The following PTPRC variants were observed in gnomAD, a reference collection of about 807,000 sequenced individuals.
The protein encoded by PTPRC is receptor-type tyrosine-protein phosphatase C.
Under a neutral mutation model 155.9 loss-of-function variants are expected in PTPRC, and 44 were observed. That is an observed-to-expected ratio of 0.28 (90% confidence interval 0.22 to 0.36). The LOEUF (loss-of-function observed/expected upper bound fraction) is 0.36, where lower values mean the gene tolerates loss of function less well. Ranked by LOEUF, PTPRC falls within the 10% of genes least tolerant of loss-of-function variation. The probability of loss-of-function intolerance (pLI) is 1.00; values close to 1 mark genes in which losing one functional copy is unlikely to be tolerated. For synonymous variants in PTPRC, 525 were observed against 533.1 expected (o/e 0.98, Z 0.21); for missense variants, 1,401 against 1,564.6 (o/e 0.90, Z 1.76).
rs759300201 is a variant in PTPRC at position 198,718,190 on chromosome 1, A to G, written c.1547A>G (p.Glu516Gly). The change falls in exon 14 of 33, where the codon GAA becomes GGA. Residue 516 changes from glutamate (E) to glycine (G), a missense_variant. Physicochemically the swap from Glu to Gly is moderately conservative, Grantham distance 98. Transcript: ENST00000442510. ...RPPRDRNGPH[E>G]RYHLEVEAGN... ...CCCAGGGACCGTAATGGCCCCCATG[A>G]ACGTTACCATTTGGAAGTTGAAGCT... 1.9e-6 allele frequency: 3 copies of G among 1,613,920 alleles called. No homozygotes were observed. In the African/African-American group the frequency reaches 4.0e-5, roughly 22 times the overall value.
intron 19 of PTPRC, 40 bp from the exon 20 acceptor site, chr1:198,732,439 AT>A (rs753496863): frequency 6.3e-7 from 1 of 1,599,618 alleles, no homozygotes; most frequent in Admixed American, 1.7e-5. Context: ...CTACTTGATT[AT>A]TCACTATTTC....
intron 31 of PTPRC, 39 bp downstream of exon 31, chr1:198,752,811 A>G (rs1297663433): frequency 1.9e-6 from 3 of 1,591,204 alleles, no homozygotes; most frequent in Non-Finnish European, 2.6e-6. Flanking sequence ...CAAAATCATA[A>G]TGCTTGACTT....
At chr1:198,677,420 A>T (rs183882788) in intron 2 of PTPRC, among the ~76,000 whole-genome samples, 7 of 151,188 alleles carry the variant, frequency 4.6e-5, no homozygotes, top group African/African-American at 9.7e-5. Context: ...AACAACTTTT[A>T]CTTTCTGAAA....
intron 2 of PTPRC, chr1:198,680,015 T>TG (rs1665216387): frequency 1.8e-6 from 1 of 560,370 alleles, no homozygotes; most frequent in South Asian, 2.1e-5. Context: ...CTCAAGGGCC[T>TG]GGACCGCTTG....
At chr1:198,703,560 G>T (rs1487224924) in intron 7 of PTPRC, 188 bp downstream of exon 7, 4 of 818,486 alleles carry the variant, frequency 4.9e-6, no homozygotes, top group Non-Finnish European at 7.7e-6. Context: ...GATGAGATCA[G>T]GATGTAATTG....
intron 29 of PTPRC, among the ~76,000 whole-genome samples, chr1:198,751,533 G>GT (rs1372678163): frequency 2.0e-5 from 3 of 151,824 alleles, no homozygotes; most frequent in African/African-American, 4.8e-5. Flanking sequence ...TGCTTTTTAT[G>GT]TTTTTTGTTT....
intron 2 of PTPRC, among the ~76,000 whole-genome samples, chr1:198,665,874 C>G (rs973539301): frequency 6.6e-6 from 1 of 151,970 alleles, no homozygotes; most frequent in African/African-American, 2.4e-5. Context: ...TCTTTCCAGC[C>G]CTGGAAAGAC....
intron 15 of PTPRC, among the ~76,000 whole-genome samples, chr1:198,725,650 T>C (rs912340406): frequency 2.0e-5 from 3 of 152,200 alleles, no homozygotes; most frequent in Non-Finnish European, 4.4e-5. Flanking sequence ...CTCTCACTGC[T>C]TTCATTTAAT....
chr1:198,752,414 A>G (rs1655426424), intron 30 of PTPRC, 43 bp downstream of exon 30: 1 of 1,604,784 alleles, frequency 6.2e-7, no homozygotes, highest in Non-Finnish European at 8.5e-7. Context: ...GATATAATGG[A>G]TCTGGTAGCA....
chr1:198,723,729 G>T (rs770464025), intron 15 of PTPRC, among the ~76,000 whole-genome samples: 4 of 152,204 alleles, frequency 2.6e-5, no homozygotes, highest in Admixed American at 6.5e-5. Context: ...TGCTAGCAAG[G>T]GAGCCTGGCA....
Position 198,754,255 on chromosome 1 carries a change from T to C in PTPRC, c.3510-14T>C. The C allele has an allele frequency of 6.2e-7, 1 of 1,602,142 alleles. No homozygotes were observed. The highest frequency in any genetic ancestry group is 8.5e-7 in the Non-Finnish European group (1 of 1,170,022). ...AGAAGTAGGATTATTTTCTATCTTT[T>C]CTTTCTTTTATAGGGATGGATCTCA... On this transcript the variant is annotated splice_polypyrimidine_tract_variant and intron_variant, in intron 31 of 32. Coordinates refer to ENST00000442510, the MANE Select transcript of PTPRC (RefSeq NM_002838.5).
In PTPRC at chr1:198,694,145, G is replaced by GTCATAT. The variant is rs1212038956; in HGVS notation, c.100+1774_100+1775insATATTC. ...AGCCCCTCACAAACCACTGGAGTAA[G>GTCATAT]TCCAAGAGTCCAAAAGCTGAGGAAC... On this transcript the variant is annotated intron_variant, in intron 3 of 32. Transcript: ENST00000442510. 2.6e-6 allele frequency: 4 copies of GTCATAT among 1,523,400 alleles called. No individual in the cohort carries two copies. The African/African-American group carries it at 5.6e-5, about 21-fold the overall frequency. 94.4% of individuals were successfully genotyped at this position (1,523,400 alleles called of 1,614,324 possible).
At chr1:198,727,707 A>T (rs1267366689) in intron 15 of PTPRC, among the ~76,000 whole-genome samples, 1 of 152,156 alleles carries the variant, frequency 6.6e-6, no homozygotes, top group Non-Finnish European at 1.5e-5. Context: ...ACATAAGAAA[A>T]GGTGAATATA....
chr1:198,688,066 A>C (rs899149673), intron 2 of PTPRC, among the ~76,000 whole-genome samples: 1 of 151,710 alleles, frequency 6.6e-6, no homozygotes, highest in African/African-American at 2.4e-5. Context: ...AAAAAGATAA[A>C]ATGGTGTGTG....
At chr1:198,643,001 A>C (rs895765140) in intron 2 of PTPRC, among the ~76,000 whole-genome samples, 1 of 145,980 alleles carries the variant, frequency 6.9e-6, no homozygotes, top group Non-Finnish European at 1.5e-5. Context: ...TGATTGATTA[A>C]AAGAAAACAA....
intron 2 of PTPRC, among the ~76,000 whole-genome samples, chr1:198,662,014 C>T (rs1663995989): frequency 6.6e-6 from 1 of 152,130 alleles, no homozygotes; most frequent in Non-Finnish European, 1.5e-5. Flanking sequence ...TCAACAAAGA[C>T]TTGTCTTCCA....
In PTPRC at chr1:198,712,975, T is replaced by A; in HGVS notation, c.1194T>A (p.Ile398=). The change falls in exon 12 of 33, where the codon ATT becomes ATA. Residue 398 remains isoleucine (I), a synonymous_variant. Coordinates refer to ENST00000442510, the MANE Select transcript of PTPRC (RefSeq NM_002838.5). ...CAGGTCCAGGAGAGCCTCAGATTAT[T>A]TTTTGTAGAAGTGAAGCTGCACATC... ...DFGSPGEPQI[I]FCRSEAAHQG... 1 of 1,613,524 alleles carries A rather than the reference T, an allele frequency of 6.2e-7. No individual in the cohort carries two copies. The highest frequency in any genetic ancestry group is 8.5e-7 in the Non-Finnish European group (1 of 1,179,492).
At chr1:198,687,551 C>G (rs184468336) in intron 2 of PTPRC, among the ~76,000 whole-genome samples, 21 of 151,980 alleles carry the variant, frequency 1.4e-4, no homozygotes, top group Non-Finnish European at 2.5e-4. Flanking sequence ...GCATTCTCCA[C>G]CAAAGTATTT....
Position 198,718,074 on chromosome 1 carries a change from A to T in PTPRC, c.1451-20A>T. ...GCATCTATTAAATTATTAATAACAA[A>T]TCTTTCTTCATTTTGATAGCTCCAA... On this transcript the variant is annotated intron_variant, in intron 13 of 32. Transcript: ENST00000442510. 6.4e-7 allele frequency: 1 copy of T among 1,566,958 alleles called. No homozygotes were observed. Among genetic ancestry groups the T allele is most frequent in the African/African-American group, 1.4e-5 (1 of 73,890 alleles).
Sources: allele counts gnomAD v4.1 joint callset (sites outside exome capture counted in the v4.1 genomes callset), GRCh38; gene constraint gnomAD v4.1.1; transcripts MANE v1.5; gene names NCBI Gene and HGNC (gene_info 2026-07-23, HGNC 2026-07-21).